Variants in RIC1 observed in about 807,000 individuals in gnomAD.
RIC1 encodes the protein RIC1 partner of RAB6A GEF complex.
In RIC1, 88 loss-of-function variants were observed where a neutral mutation model predicts 169.0. The ratio of observed to expected loss-of-function variants is 0.52; its 90% CI spans 0.44 to 0.62. RIC1 has a LOEUF of 0.62. Among genes scored for constraint, RIC1 ranks in the 20% least tolerant of loss-of-function variants. The probability of loss-of-function intolerance (pLI) is 0.00; values close to 1 mark genes in which losing one functional copy is unlikely to be tolerated. For missense variants in RIC1, 1,877 were observed against 1,725.5 expected, an observed-to-expected ratio of 1.09 and a Z score of -1.56; for synonymous variants, 790 against 601.5, an observed-to-expected ratio of 1.31 and a Z score of -4.59.
chr9:5,651,452 G>A (rs2130406129), intron 1 of RIC1, among the ~76,000 whole-genome samples: 1 of 151,138 alleles, frequency 6.6e-6, no homozygotes, highest in Middle Eastern at 3.4e-3. Flanking sequence ...TGCTTTTCAG[G>A]TCTTATCCAA....
At chr9:5,762,729 C>G (rs1826424964) in intron 18 of RIC1, 69 bp downstream of exon 18, 6 of 1,519,912 alleles carry the variant, frequency 3.9e-6, no homozygotes, top group Admixed American at 2.0e-5. Flanking sequence ...AGGAATGAAA[C>G]AATTTAAGAG....
chr9:5,745,492 G>C (rs1825324555), intron 10 of RIC1, among the ~76,000 whole-genome samples: 1 of 152,146 alleles, frequency 6.6e-6, no homozygotes, highest in Non-Finnish European at 1.5e-5. Flanking sequence ...TAGTCTCACA[G>C]CTTCCAATCC....
In RIC1 at chr9:5,743,029, C is replaced by A; in HGVS notation, c.1046+16C>A. On this transcript the variant is annotated intron_variant, in intron 9 of 25. Coordinates refer to ENST00000414202, the MANE Select transcript of RIC1 (RefSeq NM_020829.4). ...GAGATTTTGCGTAAGTCAAAAAAGA[C>A]AATTTTTAGATAAAATAACTCCATT... 1 of 1,597,050 alleles carries A rather than the reference C, an allele frequency of 6.3e-7. No homozygotes were observed. Among genetic ancestry groups the A allele is most frequent in the Non-Finnish European group, 8.5e-7 (1 of 1,174,810 alleles).
intron 2 of RIC1, among the ~76,000 whole-genome samples, chr9:5,665,236 C>T (rs1456523622): frequency 6.6e-6 from 1 of 151,826 alleles, no homozygotes; most frequent in Non-Finnish European, 1.5e-5. Context: ...CCTCTCTAAA[C>T]TGGCTGCTTA....
At chr9:5,758,492 A>G (rs1475657027) in intron 17 of RIC1, among the ~76,000 whole-genome samples, 4 of 152,206 alleles carry the variant, frequency 2.6e-5, no homozygotes, top group East Asian at 1.9e-4. Flanking sequence ...TCTAAAATCA[A>G]TTTTGTTACC....
chr9:5,680,293 T>C (rs1488676747), intron 2 of RIC1, among the ~76,000 whole-genome samples: 2 of 152,234 alleles, frequency 1.3e-5, no homozygotes, highest in Non-Finnish European at 2.9e-5. Flanking sequence ...GATATTGGTC[T>C]AAAATTTTCT....
chr9:5,639,113 C>T (rs1818113951), intron 1 of RIC1, among the ~76,000 whole-genome samples: 1 of 152,108 alleles, frequency 6.6e-6, no homozygotes, highest in African/African-American at 2.4e-5. Context: ...CACCATGTTT[C>T]CCAGGCTGTT....
chr9:5,770,304 C>A (rs1320265248), intron 23 of RIC1, 26 bp downstream of exon 23: 12 of 1,587,360 alleles, frequency 7.6e-6, no homozygotes, highest in Non-Finnish European at 9.5e-6. Context: ...AATCCTAGCT[C>A]TTCAGTTCCT....
At chr9:5,753,794 G>T (rs1825851927) in intron 14 of RIC1, 148 bp downstream of exon 14, 2 of 462,734 alleles carry the variant, frequency 4.3e-6, no homozygotes, top group East Asian at 6.4e-5. Context: ...TGAATAATAT[G>T]TAAGATTTGA....
intron 2 of RIC1, among the ~76,000 whole-genome samples, chr9:5,664,040 T>A (rs1235106412): frequency 6.6e-6 from 1 of 152,158 alleles, no homozygotes; most frequent in Non-Finnish European, 1.5e-5. Context: ...CTGAACAGGA[T>A]CTTGTTTCTC....
chr9:5,673,557 TAA>T (rs1491178593), intron 2 of RIC1, among the ~76,000 whole-genome samples: 31 of 142,650 alleles, frequency 2.2e-4, no homozygotes, highest in African/African-American at 8.4e-4. Context: ...TATATATATA[TAA>T]ATAAATGTTG....
intron 6 of RIC1, among the ~76,000 whole-genome samples, chr9:5,727,391 G>A (rs891300663): frequency 6.6e-6 from 1 of 152,154 alleles, no homozygotes; most frequent in African/African-American, 2.4e-5. Context: ...GCTCCATCAC[G>A]TCATTTTAGG....
intron 10 of RIC1, 100 bp downstream of exon 10, chr9:5,743,837 G>A: frequency 4.8e-6 from 4 of 840,408 alleles, no homozygotes; most frequent in South Asian, 4.7e-5. Flanking sequence ...TTGAGACAGG[G>A]TCTTACACTG....
intron 1 of RIC1, among the ~76,000 whole-genome samples, chr9:5,654,520 T>G (rs1302234356): frequency 6.6e-6 from 1 of 152,120 alleles, no homozygotes; most frequent in Non-Finnish European, 1.5e-5. Context: ...AGTGTTGGGA[T>G]TACAGGCGTG....
At chr9:5,681,771 G>A (rs1820856358) in intron 2 of RIC1, among the ~76,000 whole-genome samples, 1 of 152,054 alleles carries the variant, frequency 6.6e-6, no homozygotes, top group South Asian at 2.1e-4. Context: ...TTATTGTGTG[G>A]GAGTCTAAGT....
At chr9:5,743,652 G>T in intron 9 of RIC1, 37 bp from the exon 10 acceptor site, 1 of 1,509,430 alleles carries the variant, frequency 6.6e-7, no homozygotes, top group South Asian at 1.2e-5. Flanking sequence ...TATGTAATTG[G>T]AAGGCTGTAT....
chr9:5,664,578 G>C (rs1274414095), intron 2 of RIC1, among the ~76,000 whole-genome samples: 1 of 152,080 alleles, frequency 6.6e-6, no homozygotes, highest in African/African-American at 2.4e-5. Context: ...AGAATCTGAT[G>C]ATTATATGTC....
At chr9:5,663,198 G>C (rs970285372) in intron 2 of RIC1, among the ~76,000 whole-genome samples, 5 of 152,158 alleles carry the variant, frequency 3.3e-5, no homozygotes, top group African/African-American at 1.2e-4. Flanking sequence ...CTGAGAGACT[G>C]TTATCATTTC....
chr9:5,713,280 G>A (rs1823043176), intron 3 of RIC1: 1 of 152,236 alleles, frequency 6.6e-6, no homozygotes, highest in South Asian at 2.1e-4. Context: ...GTAGTCCTTT[G>A]AAGGGTCGTG....
Sources: allele counts gnomAD v4.1 joint callset (sites outside exome capture counted in the v4.1 genomes callset), GRCh38; gene constraint gnomAD v4.1.1; transcripts MANE v1.5; gene names NCBI Gene and HGNC (gene_info 2026-07-23, HGNC 2026-07-21).